Variants in CDYL2 observed in about 807,000 individuals in gnomAD.
The protein encoded by CDYL2 is chromodomain Y-like protein 2.
A neutral mutation model predicts 49.4 loss-of-function variants in CDYL2; 23 were observed. The observed-to-expected ratio is 0.47, with a 90% CI of 0.34 to 0.66. The LOEUF is 0.66. CDYL2 is among the 30% of genes least tolerant of loss of function. CDYL2 has a pLI of 0.01. For synonymous variants in CDYL2, 360 were observed against 268.8 expected, an observed-to-expected ratio of 1.34 and a Z score of -3.32; for missense variants, 678 against 656.4, an observed-to-expected ratio of 1.03 and a Z score of -0.36.
intron 1 of CDYL2, among the ~76,000 whole-genome samples, chr16:80,690,448 G>C (rs910751032): frequency 3.9e-5 from 6 of 152,132 alleles, no homozygotes; most frequent in African/African-American, 1.4e-4. Flanking sequence ...TGCTGTACTT[G>C]ATCCCTATAC....
rs1266351161 is a variant in CDYL2, at chr16:80,599,797, C to T, written c.*4591G>A. Reference sequence around the variant, plus strand: ...ATGGACCAGCAGCCTTCCCTATGACCGTGTCTAAACCATGTTTACAGTATG... The same window carrying T: ...ATGGACCAGCAGCCTTCCCTATGACTGTGTCTAAACCATGTTTACAGTATG... On this transcript the variant is annotated 3_prime_UTR_variant, in exon 7 of 7. Coordinates refer to ENST00000570137, the MANE Select transcript of CDYL2 (RefSeq NM_152342.4). 2.0e-5 allele frequency: 3 copies of T among 152,156 alleles called. No individual in the cohort carries two copies. Among genetic ancestry groups the T allele is most frequent in the Admixed American group, 1.3e-4 (2 of 15,260 alleles). The allele number at this position is 152,156 out of a possible 1,614,324, so 9.4% of individuals were successfully genotyped here. A position where few individuals can be genotyped will look rare whatever the true frequency, so the allele number is the denominator to read the frequency against.
intron 2 of CDYL2, chr16:80,671,001 TCTC>T (rs1909480011): frequency 1.3e-5 from 6 of 456,006 alleles, no homozygotes; most frequent in South Asian, 9.3e-5. Context: ...TCTCCTGGGT[TCTC>T]CTCTTCTAAC....
intron 1 of CDYL2, among the ~76,000 whole-genome samples, chr16:80,722,052 G>C (rs552376494): frequency 5.9e-5 from 9 of 152,276 alleles, no homozygotes; most frequent in Admixed American, 3.9e-4. Context: ...GTCTAAAAGG[G>C]CTCTATAAAC....
intron 1 of CDYL2, among the ~76,000 whole-genome samples, chr16:80,725,270 CT>C (rs1782394193): frequency 6.6e-6 from 1 of 152,196 alleles, no homozygotes; most frequent in Non-Finnish European, 1.5e-5. Context: ...TTTAATGTCA[CT>C]TCCTTGGAGC....
intron 1 of CDYL2, among the ~76,000 whole-genome samples, chr16:80,703,347 T>C (rs1324275058): frequency 1.3e-5 from 2 of 152,222 alleles, no homozygotes; most frequent in African/African-American, 2.4e-5. Flanking sequence ...GCTCTTTTTT[T>C]CGACTGTGAA....
chr16:80,646,302 A>C (rs1318619475), intron 2 of CDYL2, among the ~76,000 whole-genome samples: 1 of 152,156 alleles, frequency 6.6e-6, no homozygotes, highest in Non-Finnish European at 1.5e-5. Flanking sequence ...AACAAACAAT[A>C]AACTAAATCA....
chr16:80,712,187 GTGTGTATATA>G (rs1383563252), intron 1 of CDYL2, among the ~76,000 whole-genome samples: 4 of 38,098 alleles, frequency 1.0e-4, no homozygotes, highest in Middle Eastern at 0.019. Context: ...TTGTGTCTGT[GTGTGTATATA>G]TATATATATA....
chr16:80,728,281 C>T (rs1403111235), intron 1 of CDYL2, among the ~76,000 whole-genome samples: 1 of 151,726 alleles, frequency 6.6e-6, no homozygotes, highest in African/African-American at 2.4e-5. Flanking sequence ...AGCCAAAGCT[C>T]GAGAACTACA....
intron 1 of CDYL2, among the ~76,000 whole-genome samples, chr16:80,755,354 C>A (rs149514491): frequency 3.3e-5 from 5 of 152,108 alleles, no homozygotes; most frequent in Admixed American, 1.3e-4. Context: ...ACCTAAGAGT[C>A]CCCCTCAGGA....
intron 1 of CDYL2, among the ~76,000 whole-genome samples, chr16:80,691,551 C>T (rs1910415362): frequency 6.6e-6 from 1 of 152,180 alleles, no homozygotes; most frequent in African/African-American, 2.4e-5. Flanking sequence ...ATTTCCATAT[C>T]CATTCTGCTG....
chr16:80,726,279 G>C (rs1905159833), intron 1 of CDYL2, among the ~76,000 whole-genome samples: 1 of 152,142 alleles, frequency 6.6e-6, no homozygotes. Context: ...TTTTCTCCCA[G>C]TAAGAAGCAT....
At chr16:80,611,081 T>A (rs544108760) in intron 5 of CDYL2, among the ~76,000 whole-genome samples, 145 of 152,256 alleles carry the variant, frequency 9.5e-4, no homozygotes, top group African/African-American at 3.0e-3. Context: ...TGTTCTTCCC[T>A]TCATGCATCC....
chr16:80,610,923 C>T (rs919314692), intron 5 of CDYL2, among the ~76,000 whole-genome samples: 1 of 152,158 alleles, frequency 6.6e-6, no homozygotes. Context: ...AGGCCCAGCA[C>T]CCTCCCCGGC....
intron 1 of CDYL2, among the ~76,000 whole-genome samples, chr16:80,739,766 G>C (rs1346849161): frequency 1.3e-5 from 2 of 152,198 alleles, no homozygotes; most frequent in Non-Finnish European, 2.9e-5. Context: ...CAGAGAGACA[G>C]AGAGGTCACT....
chr16:80,788,262 A>G (rs1459471109), intron 1 of CDYL2, among the ~76,000 whole-genome samples: 1 of 152,228 alleles, frequency 6.6e-6, no homozygotes, highest in East Asian at 1.9e-4. Context: ...AATGGTTTCC[A>G]CCATCACAAT....
chr16:80,703,612 G>T (rs1904317816), intron 1 of CDYL2, among the ~76,000 whole-genome samples: 1 of 152,110 alleles, frequency 6.6e-6, no homozygotes, highest in Non-Finnish European at 1.5e-5. Context: ...CCTGTGGGGT[G>T]CTCTAGCAAC....
chr16:80,657,792 ACT>A (rs1463463403), intron 2 of CDYL2, among the ~76,000 whole-genome samples: 1 of 152,132 alleles, frequency 6.6e-6, no homozygotes, highest in Non-Finnish European at 1.5e-5. Context: ...CAGCAATCCC[ACT>A]TCTAGAAATT....
At chr16:80,687,048 C>T (rs1017684086) in intron 1 of CDYL2, among the ~76,000 whole-genome samples, 1 of 152,200 alleles carries the variant, frequency 6.6e-6, no homozygotes, top group Non-Finnish European at 1.5e-5. Context: ...AATAATGCTT[C>T]AGAACGCCAA....
intron 1 of CDYL2, among the ~76,000 whole-genome samples, chr16:80,746,931 T>C (rs918199684): frequency 6.6e-6 from 1 of 152,018 alleles, no homozygotes; most frequent in African/African-American, 2.4e-5. Flanking sequence ...GAACTGCAAA[T>C]CAGCAGCCCT....
Sources: allele counts gnomAD v4.1 joint callset (sites outside exome capture counted in the v4.1 genomes callset), GRCh38; gene constraint gnomAD v4.1.1; transcripts MANE v1.5; gene names NCBI Gene and HGNC (gene_info 2026-07-23, HGNC 2026-07-21).